DPY19L1: variants seen among roughly 807,000 people sequenced by gnomAD.
DPY19L1 encodes the protein protein C-mannosyl-transferase DPY19L1.
In DPY19L1, 35 loss-of-function variants were observed where a neutral mutation model predicts 96.9. The observed-to-expected ratio is 0.36, with a 90% CI of 0.28 to 0.48. DPY19L1 has a LOEUF of 0.48. Ranked by LOEUF, DPY19L1 falls within the 20% of genes least tolerant of loss-of-function variation. The pLI is 0.99. For synonymous variants in DPY19L1, 205 were observed against 252.6 expected, an observed-to-expected ratio of 0.81 and a Z score of 1.79; for missense variants, 521 against 777.9, an observed-to-expected ratio of 0.67 and a Z score of 3.93.
chr7:34,969,614 C>T (rs1166899134), intron 8 of DPY19L1, 82 bp from the exon 9 acceptor site: 28 of 614,820 alleles, frequency 4.6e-5, no homozygotes, highest in African/African-American at 1.3e-4. Context: ...ATTAGAATCT[C>T]GAAATATATA....
upstream of DPY19L1, chr7:35,037,878 G>C: frequency 8.1e-7 from 1 of 1,238,196 alleles, no homozygotes; most frequent in Non-Finnish European, 1.0e-6. Context: ...CGGCCTTCCG[G>C]AGGCGGCCGC....
chr7:34,977,924 T>C (rs1165192408), intron 7 of DPY19L1, among the ~76,000 whole-genome samples: 1 of 152,126 alleles, frequency 6.6e-6, no homozygotes, highest in East Asian at 1.9e-4. Context: ...CTATCTAGTA[T>C]ATAATTTTTA....
chr7:34,970,845 G>GAA (rs3048603), intron 8 of DPY19L1, among the ~76,000 whole-genome samples: 2 of 106,654 alleles, frequency 1.9e-5, no homozygotes, highest in African/African-American at 6.6e-5. Flanking sequence ...TGCCAAGAAT[G>GAA]AAAAAAAAAA....
intron 7 of DPY19L1, among the ~76,000 whole-genome samples, chr7:34,974,839 T>A (rs1310398162): frequency 1.3e-5 from 2 of 152,192 alleles, no homozygotes; most frequent in African/African-American, 4.8e-5. Flanking sequence ...TGTCTCTGTG[T>A]CATATTTTGG....
At chr7:35,025,844 A>AC (rs1363187111) in intron 1 of DPY19L1, among the ~76,000 whole-genome samples, 1 of 152,022 alleles carries the variant, frequency 6.6e-6, no homozygotes, top group African/African-American at 2.4e-5. Flanking sequence ...CCATCTATTT[A>AC]CCCCACTGTG....
Position 35,017,956 on chromosome 7 carries a change from G to C in DPY19L1, c.337C>G (p.His113Asp). The C allele has an allele frequency of 6.2e-7, 1 of 1,603,736 alleles. No homozygotes were observed. The highest frequency in any genetic ancestry group is 8.5e-7 in the Non-Finnish European group (1 of 1,174,656). Residue 113 changes from histidine to aspartate, a missense_variant, in exon 3 of 22, where the codon CAC (histidine) becomes GAC (aspartate). Physicochemically the swap from His to Asp is moderately conservative, Grantham distance 81. Transcript: ENST00000638088. Reference sequence around the variant, plus strand: ...AAATGACGGTCATTTTCAAAGAGGTGTGTTATATGGCTCCTGGAAAAACAA... The same window carrying C: ...AAATGACGGTCATTTTCAAAGAGGTCTGTTATATGGCTCCTGGAAAAACAA... The part of the protein sequence containing the change: ...AAVLHWSHIT[H>D]LFENDRHFSH...
chr7:34,974,176 C>A (rs1187367610), intron 7 of DPY19L1, among the ~76,000 whole-genome samples: 1 of 152,042 alleles, frequency 6.6e-6, no homozygotes. Flanking sequence ...AAGTATAAAC[C>A]TTTCTGAAAA....
intron 13 of DPY19L1, among the ~76,000 whole-genome samples, chr7:34,952,431 G>A (rs1221448167): frequency 6.6e-6 from 1 of 152,110 alleles, no homozygotes; most frequent in Non-Finnish European, 1.5e-5. Flanking sequence ...TCCAGGCCAT[G>A]AGGGCTTCAC....
chr7:35,037,767 G>A (rs1422324342), upstream of DPY19L1: 21 of 1,140,932 alleles, frequency 1.8e-5, no homozygotes, highest in Non-Finnish European at 2.3e-5. Context: ...CGCACGCGCG[G>A]ACTTCCGGCG....
At position 34,930,538 on chromosome 7, in the gene DPY19L1, T is replaced by C. The variant is rs1361704804; in HGVS notation, c.*1035A>G. ...CCATTTATCATTATTCTTTACATTT[T>C]TGACAGCAAAATTAGTCATGTTTTA... is the stretch of plus-strand genomic sequence containing the variant. On this transcript the variant is annotated 3_prime_UTR_variant, in exon 22 of 22. Coordinates refer to ENST00000638088, the MANE Select transcript of DPY19L1 (RefSeq NM_001366673.1). 1 of 152,184 alleles carries C rather than the reference T, an allele frequency of 6.6e-6. No individual in the cohort carries two copies. The highest frequency in any genetic ancestry group is 6.5e-5 in the Admixed American group (1 of 15,278). 9.4% of individuals were successfully genotyped at this position (152,184 alleles called of 1,614,324 possible). A position where few individuals can be genotyped will look rare whatever the true frequency, so the allele number is the denominator to read the frequency against.
intron 1 of DPY19L1, among the ~76,000 whole-genome samples, chr7:35,033,026 A>C (rs1786298498): frequency 6.6e-6 from 1 of 152,146 alleles, no homozygotes; most frequent in Non-Finnish European, 1.5e-5. Flanking sequence ...GATTTCTCAA[A>C]GTAAAAATTT....
chr7:34,947,711 A>G lies in DPY19L1; in HGVS notation c.1423-10T>C. 6.2e-7 allele frequency: 1 copy of G among 1,601,122 alleles called. No homozygotes were observed. The highest frequency in any genetic ancestry group is 1.1e-5 in the South Asian group (1 of 87,890). On this transcript the variant is annotated splice_polypyrimidine_tract_variant and intron_variant, in intron 14 of 21. Transcript: ENST00000638088. ...TGTATCTCAGTGGAGTCTGAAATTC[A>G]AAGAGATGTTTTGTTAGAAGGAAAC...
chr7:34,995,092 T>C (rs543952642), intron 6 of DPY19L1, among the ~76,000 whole-genome samples: 1 of 152,258 alleles, frequency 6.6e-6, no homozygotes, highest in African/African-American at 2.4e-5. Context: ...AGAATAAAAT[T>C]TATTTATCTC....
chr7:35,007,299 A>AG (rs1785583780), intron 6 of DPY19L1, among the ~76,000 whole-genome samples: 1 of 152,218 alleles, frequency 6.6e-6, no homozygotes, highest in African/African-American at 2.4e-5. Context: ...GCCCACAAAC[A>AG]CAAAAGGAAA....
At chr7:35,005,563 C>G (rs1367829206) in intron 6 of DPY19L1, among the ~76,000 whole-genome samples, 3 of 145,378 alleles carry the variant, frequency 2.1e-5, no homozygotes, top group Admixed American at 7.1e-5. Flanking sequence ...TTTTGGGAGG[C>G]CGGGGTGGGT....
chr7:35,032,536 A>G lies in DPY19L1; in HGVS notation c.298+4561T>C, dbSNP rs329265. 5.8e-3 allele frequency among the ~76,000 whole-genome samples: 887 copies of G among 152,306 alleles called. 5 individuals carry two copies. The highest frequency in any genetic ancestry group is 0.02 in the African/African-American group (833 of 41,556). ...AAATAGAAGTTCAATGGGAATACAA[A>G]TTCAATTACCATTAATGTGAAAACC... On this transcript the variant is annotated intron_variant, in intron 1 of 21. Coordinates refer to ENST00000638088, the MANE Select transcript of DPY19L1 (RefSeq NM_001366673.1).
upstream of DPY19L1, chr7:35,037,623 C>T (rs565945634): frequency 8.7e-3 from 1,923 of 222,264 alleles, 31 homozygotes; most frequent in African/African-American, 0.039. Flanking sequence ...GCTAGCCCGC[C>T]GCCGTTGCCG....
At chr7:34,963,608 C>CGT (rs59835071) in intron 10 of DPY19L1, among the ~76,000 whole-genome samples, 4,038 of 151,206 alleles carry the variant, frequency 0.027, 59 homozygotes, top group African/African-American at 0.055. Flanking sequence ...TAAGCAAAAT[C>CGT]GTGTGTGTGT....
At chr7:35,020,772 G>C (rs1177338899) in intron 1 of DPY19L1, among the ~76,000 whole-genome samples, 2 of 152,142 alleles carry the variant, frequency 1.3e-5, no homozygotes, top group South Asian at 2.1e-4. Context: ...GCAGTGGCAT[G>C]ATCTTGGCTC....
Sources: allele counts gnomAD v4.1 joint callset (sites outside exome capture counted in the v4.1 genomes callset), GRCh38; gene constraint gnomAD v4.1.1; transcripts MANE v1.5; gene names NCBI Gene and HGNC (gene_info 2026-07-23, HGNC 2026-07-21).